Variants in GRAMD1C observed in about 807,000 individuals in gnomAD.
The protein encoded by GRAMD1C is protein Aster-C.
GRAMD1C carries 89 observed loss-of-function variants against 97.8 expected under a neutral mutation model. That is an observed-to-expected ratio of 0.91 (90% CI 0.77 to 1.09). GRAMD1C has a LOEUF of 1.09. Among genes scored for constraint, GRAMD1C ranks in the 50% least tolerant of loss-of-function variants. The pLI, the probability that GRAMD1C is intolerant of heterozygous loss-of-function variation, is 0.00. For missense variants in GRAMD1C, 740 were observed against 766.4 expected, an observed-to-expected ratio of 0.97 and a Z score of 0.41; for synonymous variants, 256 against 267.0, an observed-to-expected ratio of 0.96 and a Z score of 0.40.
chr3:113,920,108 G>T, intron 10 of GRAMD1C: 1 of 1,359,430 alleles, frequency 7.4e-7, no homozygotes, highest in Non-Finnish European at 1.0e-6. Flanking sequence ...ATGAAGAAAA[G>T]CTCCTGAAAA....
intron 3 of GRAMD1C, among the ~76,000 whole-genome samples, chr3:113,873,878 A>G (rs1476615863): frequency 6.6e-6 from 1 of 152,160 alleles, no homozygotes; most frequent in African/African-American, 2.4e-5. Flanking sequence ...AGAAGCATTG[A>G]ATTGATAAAA....
At chr3:113,878,488 A>C (rs545075568) in intron 5 of GRAMD1C, among the ~76,000 whole-genome samples, 2 of 152,288 alleles carry the variant, frequency 1.3e-5, no homozygotes, top group South Asian at 4.1e-4. Flanking sequence ...AGGGGGTATA[A>C]TAATGGTGTA....
intron 13 of GRAMD1C, among the ~76,000 whole-genome samples, chr3:113,935,772 C>T (rs1211012686): frequency 6.6e-6 from 1 of 151,952 alleles, no homozygotes. Flanking sequence ...AATAAAAATT[C>T]TGGCAGAGGA....
At chr3:113,936,065 A>T (rs974921973) in intron 13 of GRAMD1C, among the ~76,000 whole-genome samples, 1 of 152,192 alleles carries the variant, frequency 6.6e-6, no homozygotes, top group Non-Finnish European at 1.5e-5. Flanking sequence ...ATTAATACAC[A>T]TTCTTCCTGG....
At position 113,911,134 on chromosome 3, in the gene GRAMD1C, G is replaced by C. The variant is rs1262891835; in HGVS notation, c.952+2014G>C. ...ACATGCTCATGGTTAGAGGAGCAAAGTGTGAGGGAGGAGCAGAGCAGGGAA... is the reference window on the plus strand; with the variant it reads ...ACATGCTCATGGTTAGAGGAGCAAACTGTGAGGGAGGAGCAGAGCAGGGAA... On this transcript the variant is annotated intron_variant, in intron 9 of 17. Transcript: ENST00000358160. 2.0e-5 allele frequency among the ~76,000 whole-genome samples: 3 copies of C among 150,314 alleles called. No individual in the cohort carries two copies. In the East Asian group the frequency reaches 5.8e-4, roughly 29 times the overall value.
chr3:113,936,216 T>C, intron 13 of GRAMD1C, 50 bp from the exon 14 acceptor site: 3 of 1,056,492 alleles, frequency 2.8e-6, no homozygotes, highest in Non-Finnish European at 4.2e-6. Context: ...TTGTATCTTA[T>C]AGTTGAGGAG....
chr3:113,890,054 G>A (rs1198029331), intron 6 of GRAMD1C, among the ~76,000 whole-genome samples: 1 of 125,524 alleles, frequency 8.0e-6, no homozygotes, highest in Non-Finnish European at 1.7e-5. Context: ...AGCTCTTCAT[G>A]TTGAATGGCC....
chr3:113,910,207 C>A (rs1241561854), intron 9 of GRAMD1C, among the ~76,000 whole-genome samples: 3 of 152,096 alleles, frequency 2.0e-5, no homozygotes, highest in Non-Finnish European at 4.4e-5. Context: ...CGTAGTGAAA[C>A]CCTGTCTCTA....
intron 6 of GRAMD1C, among the ~76,000 whole-genome samples, chr3:113,894,468 G>A (rs1385327135): frequency 2.0e-5 from 3 of 151,998 alleles, no homozygotes; most frequent in Non-Finnish European, 4.4e-5. Flanking sequence ...TCATAGAGGC[G>A]GGGTTTCACC....
chr3:113,874,815 C>T (rs914501508), intron 3 of GRAMD1C, among the ~76,000 whole-genome samples: 1 of 152,218 alleles, frequency 6.6e-6, no homozygotes, highest in Non-Finnish European at 1.5e-5. Flanking sequence ...TGGTCACCTT[C>T]TGGTCTGAGT....
intron 6 of GRAMD1C, among the ~76,000 whole-genome samples, chr3:113,887,089 T>TTG (rs1559795629): frequency 2.8e-5 from 3 of 107,750 alleles, no homozygotes; most frequent in East Asian, 3.1e-4. Flanking sequence ...CTTTTTGTTT[T>TTG]TTTTTTGTTT....
chr3:113,935,559 C>CAT (rs1279084737), intron 13 of GRAMD1C, among the ~76,000 whole-genome samples: 7 of 151,270 alleles, frequency 4.6e-5, no homozygotes, highest in African/African-American at 9.7e-5. Context: ...TATATATACA[C>CAT]ATATATATAC....
At chr3:113,944,368 C>A (rs911322147) in intron 17 of GRAMD1C, among the ~76,000 whole-genome samples, 1 of 152,166 alleles carries the variant, frequency 6.6e-6, no homozygotes, top group Non-Finnish European at 1.5e-5. Context: ...TCAGTTTGAA[C>A]GTGAATTTTG....
chr3:113,899,211 G>T (rs764217868), intron 6 of GRAMD1C, among the ~76,000 whole-genome samples: 4 of 152,106 alleles, frequency 2.6e-5, no homozygotes, highest in Non-Finnish European at 4.4e-5. Context: ...TTATGTTCAT[G>T]TATTTATTCT....
At chr3:113,856,578 C>T (rs1034363249) in intron 2 of GRAMD1C, among the ~76,000 whole-genome samples, 3 of 152,174 alleles carry the variant, frequency 2.0e-5, no homozygotes, top group South Asian at 2.1e-4. Context: ...CCTGCTCTGT[C>T]GCCCAGGCGG....
chr3:113,867,005 A>G (rs1934611067), intron 2 of GRAMD1C, among the ~76,000 whole-genome samples: 1 of 151,640 alleles, frequency 6.6e-6, no homozygotes, highest in Admixed American at 6.6e-5. Flanking sequence ...ATTTTTTTGT[A>G]TTTTTAGTAG....
chr3:113,930,730 T>C lies in GRAMD1C; in HGVS notation c.1107T>C (p.Pro369=). ...SRNIIDVVST[P]WTAELGGDQL... is the part of the protein sequence containing the mutation. ...TGTTGTTAGATGTAGTATCTACCCCTTGGACTGCAGAACTTGGAGGTGATC... is the reference window on the plus strand; with the variant it reads ...TGTTGTTAGATGTAGTATCTACCCCCTGGACTGCAGAACTTGGAGGTGATC... The change falls in exon 11 of 18, where the codon CCT becomes CCC. Residue 369 remains proline, a synonymous_variant. Coordinates refer to ENST00000358160, the MANE Select transcript of GRAMD1C (RefSeq NM_017577.5). The C allele has an allele frequency of 3.8e-6, 6 of 1,592,780 alleles. No individual in the cohort carries two copies. Among genetic ancestry groups the C allele is most frequent in the Non-Finnish European group, 5.2e-6 (6 of 1,160,420 alleles).
chr3:113,888,150 A>T (rs1700235297), intron 6 of GRAMD1C, among the ~76,000 whole-genome samples: 1 of 152,232 alleles, frequency 6.6e-6, no homozygotes, highest in South Asian at 2.1e-4. Context: ...TTACCTTGAT[A>T]CCAAAACCAG....
Position 113,947,060 on chromosome 3 carries a change from T to C in GRAMD1C, c.*1582T>C, listed in dbSNP as rs1473247392. ...TTTTATAACATACTTCAAGGAAGAG[T>C]ATCGAAGTAAGTTGCTTTATAAATT... On this transcript the variant is annotated 3_prime_UTR_variant, in exon 18 of 18. Transcript: ENST00000358160. The C allele has an allele frequency of 2.0e-5, 3 of 152,232 alleles. No individual in the cohort carries two copies. The highest frequency in any genetic ancestry group is 4.4e-5 in the Non-Finnish European group (3 of 68,032). 9.4% of individuals were successfully genotyped at this position (152,232 alleles called of 1,614,324 possible). A position where few individuals can be genotyped will look rare whatever the true frequency, so the allele number is the denominator to read the frequency against.
Sources: gnomAD v4.1 joint callset for allele counts (sites outside exome capture counted in the v4.1 genomes callset) on GRCh38, gnomAD v4.1.1 for gene constraint, MANE v1.5 for transcripts, NCBI Gene and HGNC (gene_info 2026-07-23, HGNC 2026-07-21) for gene names.